The following CLCA2 variants were observed in gnomAD, a reference collection of about 807,000 sequenced individuals.
The protein encoded by CLCA2 is chloride channel accessory 2.
In CLCA2, 85 loss-of-function variants were observed where a neutral mutation model predicts 82.9. The ratio of observed to expected loss-of-function variants is 1.03; its 90% confidence interval spans 0.86 to 1.23. CLCA2 has a LOEUF of 1.23. Among genes scored for constraint, CLCA2 ranks in the 50% most tolerant of loss-of-function variants. CLCA2 has a pLI of 0.00. For synonymous variants in CLCA2, 421 were observed against 391.7 expected, an observed-to-expected ratio of 1.07 and a Z score of -0.88; for missense variants, 1,089 against 1,124.8, an observed-to-expected ratio of 0.97 and a Z score of 0.45.
intron 11 of CLCA2, among the ~76,000 whole-genome samples, chr1:86,448,952 G>A (rs1662910912): frequency 6.6e-6 from 1 of 152,132 alleles, no homozygotes; most frequent in African/African-American, 2.4e-5. Context: ...ACTCCCCTAG[G>A]GAATATCGTC....
intron 10 of CLCA2, chr1:86,445,455 A>G (rs1558115726): frequency 7.7e-6 from 1 of 129,394 alleles, no homozygotes; most frequent in African/African-American, 3.0e-5. Context: ...CATTGGCACT[A>G]TTTTTGTTTC....
intron 8 of CLCA2, 121 bp downstream of exon 8, chr1:86,440,446 G>A (rs1021677739): frequency 2.2e-5 from 20 of 923,670 alleles, no homozygotes; most frequent in South Asian, 5.6e-5. Context: ...TTTAAAAAAC[G>A]CACACACATA....
At chr1:86,435,944 A>AG (rs1662601876) in intron 6 of CLCA2, among the ~76,000 whole-genome samples, 1 of 150,174 alleles carries the variant, frequency 6.7e-6, no homozygotes, top group African/African-American at 2.4e-5. Context: ...AAAAAAAAAA[A>AG]GAGGCTTTTT....
At chr1:86,444,146 G>A in intron 10 of CLCA2, 135 bp downstream of exon 10, 1 of 620,140 alleles carries the variant, frequency 1.6e-6, no homozygotes, top group Non-Finnish European at 2.8e-6. Context: ...AATTTATGAG[G>A]CCATTTTGTG....
At chr1:86,452,063 A>G (rs915024040) in intron 12 of CLCA2, among the ~76,000 whole-genome samples, 1 of 152,004 alleles carries the variant, frequency 6.6e-6, no homozygotes, top group Admixed American at 6.6e-5. Flanking sequence ...ATGGCTCATT[A>G]ACATCTTGAA....
chr1:86,455,217 C>G lies in CLCA2; in HGVS notation c.2522C>G (p.Pro841Arg). The G allele has an allele frequency of 6.2e-7, 1 of 1,613,984 alleles. No individual in the cohort carries two copies. Among genetic ancestry groups the G allele is most frequent in the Non-Finnish European group, 8.5e-7 (1 of 1,179,982 alleles). Reference sequence around the variant, plus strand: ...ATCAGGGAGATATTTACGTTCTCACCCCAAATTTCCACGAATGGACCTGAA... The same window carrying G: ...ATCAGGGAGATATTTACGTTCTCACGCCAAATTTCCACGAATGGACCTGAA... ...AGIREIFTFS[P>R]QISTNGPEHQ... The change falls in exon 14 of 14, where the codon CCC becomes CGC. Residue 841 changes from proline to arginine, a missense_variant. Physicochemically the swap from Pro to Arg is moderately radical, Grantham distance 103. Coordinates refer to ENST00000370565, the MANE Select transcript of CLCA2 (RefSeq NM_006536.7).
intron 11 of CLCA2, among the ~76,000 whole-genome samples, chr1:86,449,424 G>A (rs1471335351): frequency 6.6e-6 from 1 of 152,106 alleles, no homozygotes; most frequent in African/African-American, 2.4e-5. Flanking sequence ...TAAAAGAGGT[G>A]GCAGTGGTGA....
chr1:86,440,916 TA>T, intron 8 of CLCA2, among the ~76,000 whole-genome samples: 1 of 152,070 alleles, frequency 6.6e-6, no homozygotes. Flanking sequence ...AGAAAAAGAT[TA>T]AATGCACTAA....
intron 10 of CLCA2, among the ~76,000 whole-genome samples, chr1:86,446,646 G>A (rs1313088640): frequency 6.6e-6 from 1 of 152,152 alleles, no homozygotes; most frequent in Non-Finnish European, 1.5e-5. Flanking sequence ...AGGGTGTGGT[G>A]CATCTGAACT....
chr1:86,432,409 G>A lies in CLCA2; in HGVS notation c.625G>A (p.Gly209Ser), dbSNP rs1370333841. ...CACAGGCATTTTTGTGTGTGAAAAA[G>A]GTCCTTGCCCCCAAGAAAACTGTAT... is the stretch of plus-strand genomic sequence containing the variant. The part of the protein sequence containing the change: ...DITGIFVCEK[G>S]PCPQENCIIS... The change falls in exon 5 of 14, where the codon GGT (glycine) becomes AGT (serine). Residue 209 changes from glycine to serine, a missense_variant. Coordinates refer to ENST00000370565, the MANE Select transcript of CLCA2 (RefSeq NM_006536.7). The A allele has an allele frequency of 1.9e-6, 3 of 1,613,834 alleles. No homozygotes were observed. Among genetic ancestry groups the A allele is most frequent in the South Asian group, 1.1e-5 (1 of 91,020 alleles).
Position 86,434,893 on chromosome 1 carries a change from C to T in CLCA2, c.972+148C>T, listed in dbSNP as rs567383771. On this transcript the variant is annotated intron_variant, in intron 6 of 13. Coordinates refer to ENST00000370565, the MANE Select transcript of CLCA2 (RefSeq NM_006536.7). ...GACATGTGCCATAGTGGTTGCTGCA[C>T]CTATCAACCCATCACCTAGGTAGTA... 1.8e-4 allele frequency: 118 copies of T among 659,108 alleles called. No homozygotes were observed. In the African/African-American group the frequency reaches 1.9e-3, roughly 11 times the overall value. 40.8% of individuals were successfully genotyped at this position (659,108 alleles called of 1,614,324 possible). A position where few individuals can be genotyped will look rare whatever the true frequency, so the allele number is the denominator to read the frequency against.
Position 86,455,320 on chromosome 1 carries a change from G to GTC in CLCA2, c.2627_2628dup (p.Ala877LeufsTer28), listed in dbSNP as rs1483017736. 4 of 1,613,820 alleles carry GTC rather than the reference G, an allele frequency of 2.5e-6. No homozygotes were observed. In the African/African-American group the frequency reaches 5.3e-5, roughly 22 times the overall value. On this transcript the variant is annotated frameshift_variant, in exon 14 of 14. Transcript: ENST00000370565. LOFTEE classifies it low-confidence loss of function (END_TRUNC). ...GAGCAATGGATAGGAACTCCTTACA[G>GTC]TCTGCTGTATCTAACATTGCCCAGG... is the stretch of plus-strand genomic sequence containing the variant.
At chr1:86,427,975 A>C (rs527844469) in intron 2 of CLCA2, among the ~76,000 whole-genome samples, 1 of 152,340 alleles carries the variant, frequency 6.6e-6, no homozygotes, top group African/African-American at 2.4e-5. Context: ...AGTTGTTCAC[A>C]AAAGGCTGTA....
chr1:86,434,531 G>A lies in CLCA2; in HGVS notation c.758G>A (p.Cys253Tyr), dbSNP rs1349323869. ...TTTTATTTCCAGGTGGTTGAATTTT[G>A]TAATGCAAGTACCCACAACCAAGAA... Reference protein sequence around the residue: ...MQSLSSVVEFCNASTHNQEAP... With the variant: ...MQSLSSVVEFYNASTHNQEAP... Residue 253 changes from cysteine (C) to tyrosine (Y), a missense_variant, in exon 6 of 14, where the codon TGT becomes TAT. By Grantham distance (194) the Cys-to-Tyr change is radical. Coordinates refer to ENST00000370565, the MANE Select transcript of CLCA2 (RefSeq NM_006536.7). 3 of 1,613,710 alleles carry A rather than the reference G, an allele frequency of 1.9e-6. No homozygotes were observed. The African/African-American group carries it at 4.0e-5, about 22-fold the overall frequency.
chr1:86,440,042 T>C (rs1412320917), intron 7 of CLCA2, 106 bp from the exon 8 acceptor site: 10 of 1,067,948 alleles, frequency 9.4e-6, no homozygotes, highest in Admixed American at 3.9e-5. Context: ...GAGATGGGCG[T>C]GGGGTGTAGG....
chr1:86,454,791 C>CAAACA (rs1193131944), intron 13 of CLCA2, among the ~76,000 whole-genome samples: 1 of 150,862 alleles, frequency 6.6e-6, no homozygotes, highest in African/African-American at 2.4e-5. Context: ...GACTCCATCT[C>CAAACA]AAACAAAACA....
At chr1:86,445,851 A>G (rs542081457) in intron 10 of CLCA2, among the ~76,000 whole-genome samples, 8 of 152,306 alleles carry the variant, frequency 5.3e-5, no homozygotes, top group African/African-American at 1.7e-4. Flanking sequence ...CAATCTATGA[A>G]ATATTACACA....
In CLCA2 at chr1:86,440,232, T is replaced by A. The variant is rs148776402; in HGVS notation, c.1288T>A (p.Leu430Ile). The change falls in exon 8 of 14, where the codon TTA (leucine) becomes ATA (isoleucine). Residue 430 changes from leucine to isoleucine, a missense_variant. Leu to Ile is a conservative substitution (Grantham distance 5). Transcript: ENST00000370565. ...SGDDKLLGNC[L>I]PTVLSSGSTI... The stretch of plus-strand genomic sequence containing the variant: ...AGATGATAAGCTTCTTGGCAATTGC[T>A]TACCCACTGTGCTCAGCAGTGGTTC... The A allele has an allele frequency of 1.5e-4, 235 of 1,614,058 alleles. 3 individuals are homozygous for A. The East Asian group carries it at 3.1e-3, about 22-fold the overall frequency.
At chr1:86,425,999 A>T (rs1366092209) in intron 2 of CLCA2, among the ~76,000 whole-genome samples, 1 of 152,030 alleles carries the variant, frequency 6.6e-6, no homozygotes, top group Non-Finnish European at 1.5e-5. Context: ...GGAAGGGAGG[A>T]AGGATGTGGG....
Sources: allele counts gnomAD v4.1 joint callset (sites outside exome capture counted in the v4.1 genomes callset), GRCh38; gene constraint gnomAD v4.1.1; transcripts MANE v1.5; gene names NCBI Gene and HGNC (gene_info 2026-07-23, HGNC 2026-07-21).